PRKCI: variants seen among roughly 807,000 people sequenced by gnomAD.
The protein encoded by PRKCI is protein kinase C iota type.
In PRKCI, 43 loss-of-function variants were observed where a neutral mutation model predicts 84.0. That is an observed-to-expected ratio of 0.51 (90% CI 0.40 to 0.66). The LOEUF (loss-of-function observed/expected upper bound fraction) is 0.66, where lower values mean the gene tolerates loss of function less well. Among genes scored for constraint, PRKCI ranks in the 30% least tolerant of loss-of-function variants. The pLI, the probability that PRKCI is intolerant of heterozygous loss-of-function variation, is 0.00. For missense variants in PRKCI, 459 were observed against 745.6 expected, an observed-to-expected ratio of 0.62 and a Z score of 4.48; for synonymous variants, 216 against 234.4, an observed-to-expected ratio of 0.92 and a Z score of 0.72.
At position 170,287,278 on chromosome 3, in the gene PRKCI, G is replaced by A. The variant is rs1005564245; in HGVS notation, c.1203+2682G>A. Among the ~76,000 whole-genome samples the A allele has an allele frequency of 1.5e-4, 23 of 151,818 alleles. No homozygotes were observed. The South Asian group carries it at 1.7e-3, about 11-fold the overall frequency. On this transcript the variant is annotated intron_variant, in intron 12 of 17. Coordinates refer to ENST00000295797, the MANE Select transcript of PRKCI (RefSeq NM_002740.6). ...CCTGGGGCTGTAGTGAGCTGTAATC[G>A]CGCCACTGCACTCCAGTCTGGGTGA...
intron 7 of PRKCI, among the ~76,000 whole-genome samples, chr3:170,274,680 C>T (rs1243897190): frequency 1.3e-5 from 2 of 151,602 alleles, no homozygotes; most frequent in Admixed American, 6.6e-5. Flanking sequence ...AATGCAATCT[C>T]GTAGTCATAG....
At chr3:170,295,443 C>T (rs1361475886) in intron 14 of PRKCI, among the ~76,000 whole-genome samples, 1 of 151,698 alleles carries the variant, frequency 6.6e-6, no homozygotes, top group African/African-American at 2.4e-5. Context: ...CTGAGGTGGG[C>T]GGATCACTTA....
intron 2 of PRKCI, among the ~76,000 whole-genome samples, chr3:170,242,890 C>T (rs1158463438): frequency 4.0e-5 from 6 of 151,866 alleles, no homozygotes; most frequent in Non-Finnish European, 7.4e-5. Flanking sequence ...AGGCTGGTCT[C>T]GAACTCCAGA....
chr3:170,270,448 C>T lies in PRKCI; in HGVS notation c.478C>T (p.Arg160Ter). Residue 160 changes from arginine (R) to a stop codon, truncating the protein, a stop_gained, in exon 6 of 18, where the codon CGA becomes TGA. Coordinates refer to ENST00000295797, the MANE Select transcript of PRKCI (RefSeq NM_002740.6). LOFTEE classifies it high-confidence loss of function. ...RRAHCAICTD[R>*]IWGLGRQGYK... ...TGCTCACTGTGCCATCTGCACAGAC[C>T]GAATATGGGGACTTGGACGCCAAGG... 3.1e-6 allele frequency: 5 copies of T among 1,613,090 alleles called. No homozygotes were observed. Among genetic ancestry groups the T allele is most frequent in the South Asian group, 1.1e-5 (1 of 91,012 alleles).
chr3:170,284,294 C>G (rs112539361), intron 11 of PRKCI, among the ~76,000 whole-genome samples, 167 bp from the exon 12 acceptor site: 1 of 152,028 alleles, frequency 6.6e-6, no homozygotes, highest in Non-Finnish European at 1.5e-5. Flanking sequence ...ACAATTGTGT[C>G]TTGGGCTCAG....
At chr3:170,254,682 T>C (rs1733539442) in intron 2 of PRKCI, among the ~76,000 whole-genome samples, 1 of 152,208 alleles carries the variant, frequency 6.6e-6, no homozygotes, top group South Asian at 2.1e-4. Context: ...CATCGGTTTA[T>C]GTGTCTGTTT....
intron 16 of PRKCI, among the ~76,000 whole-genome samples, 174 bp downstream of exon 16, chr3:170,297,567 T>G (rs531464953): frequency 6.6e-6 from 1 of 152,280 alleles, no homozygotes; most frequent in South Asian, 2.1e-4. Flanking sequence ...CAGTTCTGTC[T>G]CTGCCTCCCT....
intron 2 of PRKCI, among the ~76,000 whole-genome samples, chr3:170,243,507 T>C (rs760742164): frequency 6.6e-6 from 1 of 152,214 alleles, no homozygotes; most frequent in Non-Finnish European, 1.5e-5. Flanking sequence ...GAAATATATT[T>C]CCATTTTTCT....
chr3:170,237,646 T>C (rs1733014095), intron 2 of PRKCI, among the ~76,000 whole-genome samples: 2 of 152,250 alleles, frequency 1.3e-5, no homozygotes, highest in Admixed American at 6.5e-5. Flanking sequence ...TTTAGCTCAA[T>C]ATTTGGGATC....
At chr3:170,295,675 C>CAAA (rs542714146) in intron 14 of PRKCI, among the ~76,000 whole-genome samples, 6 of 84,436 alleles carry the variant, frequency 7.1e-5, no homozygotes, top group African/African-American at 1.3e-4. Context: ...GACTCCATCT[C>CAAA]AAAAAAAAAA....
rs1484502250 is a variant in PRKCI at position 170,281,195 on chromosome 3, T to C, written c.912T>C (p.His304=). 5 of 1,613,566 alleles carry C rather than the reference T, an allele frequency of 3.1e-6. No homozygotes were observed. In the Admixed American group the frequency reaches 8.3e-5, roughly 27 times the overall value. Residue 304 remains histidine (H), a synonymous_variant, in exon 10 of 18, where the codon CAT becomes CAC. Transcript: ENST00000295797. ...EDIDWVQTEK[H]VFEQASNHPF... ...TTGATTGGGTACAGACAGAGAAGCA[T>C]GTGTTTGAGCAGGCATCCAATCATC... is the stretch of plus-strand genomic sequence containing the variant.
intron 2 of PRKCI, among the ~76,000 whole-genome samples, chr3:170,251,576 C>T (rs1171703959): frequency 3.9e-5 from 6 of 152,110 alleles, no homozygotes; most frequent in Non-Finnish European, 7.4e-5. Flanking sequence ...CATTACTTTT[C>T]ACCTATTGGA....
At chr3:170,299,887 G>T (rs985028953) in intron 17 of PRKCI, among the ~76,000 whole-genome samples, 3 of 152,062 alleles carry the variant, frequency 2.0e-5, no homozygotes, top group African/African-American at 7.2e-5. Context: ...AGGTCAGAGG[G>T]TATTAACATT....
rs191312251 is a variant in PRKCI, at chr3:170,292,056, A to T, written c.1291+115A>T. 6.8e-4 allele frequency: 520 copies of T among 763,506 alleles called. 2 individuals are homozygous for T. The Middle Eastern group carries it at 0.015, about 23-fold the overall frequency. 47.3% of individuals were successfully genotyped at this position (763,506 alleles called of 1,614,324 possible). A position where few individuals can be genotyped will look rare whatever the true frequency, so the allele number is the denominator to read the frequency against. The stretch of plus-strand genomic sequence containing the variant: ...TTGACGTGATCTTATTAATATAAGG[A>T]TTCTTGATCCTGTTAAAAACTACAT... On this transcript the variant is annotated intron_variant, in intron 13 of 17. Coordinates refer to ENST00000295797, the MANE Select transcript of PRKCI (RefSeq NM_002740.6).
rs112482352 is a variant in PRKCI, at chr3:170,245,949, G to GTTTTTTTTTTTTTT, written c.223+10606_223+10619dup. Among the ~76,000 whole-genome samples the GTTTTTTTTTTTTTT allele has an allele frequency of 4.6e-4, 38 of 82,458 alleles. 1 individual carries two copies. The highest frequency in any genetic ancestry group is 1.1e-3 in the African/African-American group (23 of 20,440). 54.1% of individuals were successfully genotyped at this position (82,458 alleles called of 152,430 possible). ...TTTTTTCCCTGGATGTTATGTCTTT[G>GTTTTTTTTTTTTTT]TTTTTTTTTTTTTTTTTTTTTCTGA... is the stretch of plus-strand genomic sequence containing the variant. On this transcript the variant is annotated intron_variant, in intron 2 of 17. Transcript: ENST00000295797.
intron 12 of PRKCI, among the ~76,000 whole-genome samples, chr3:170,285,749 GTT>G (rs528177041): frequency 1.0e-3 from 146 of 142,300 alleles, no homozygotes; most frequent in African/African-American, 3.6e-3. Context: ...AATTATTGTT[GTT>G]TTTTTTTTTT....
At chr3:170,261,308 G>A (rs1733720547) in intron 3 of PRKCI, among the ~76,000 whole-genome samples, 1 of 151,754 alleles carries the variant, frequency 6.6e-6, no homozygotes, top group Non-Finnish European at 1.5e-5. Context: ...TATATTGACA[G>A]TATTTCGTTG....
At position 170,278,373 on chromosome 3, in the gene PRKCI, C is replaced by T. The variant is rs115723279; in HGVS notation, c.706-1854C>T. ...GTTTTGTGTTGTTACAAAGGAATAC[C>T]TGAAGGTTGGGTGTGGCAGCTCACA... On this transcript the variant is annotated intron_variant, in intron 8 of 17. Transcript: ENST00000295797. Among the ~76,000 whole-genome samples, 792 of 152,212 alleles carry T rather than the reference C, an allele frequency of 5.2e-3. 9 individuals carry two copies. Among genetic ancestry groups the T allele is most frequent in the African/African-American group, 0.018 (764 of 41,518 alleles).
chr3:170,238,055 C>T lies in PRKCI; in HGVS notation c.223+2704C>T, dbSNP rs185433262. ...CCCAGTGCCACCCACCCTGGCCCTC[C>T]ATGGCCTTAAAAAAAAATTATATGG... On this transcript the variant is annotated intron_variant, in intron 2 of 17. Coordinates refer to ENST00000295797, the MANE Select transcript of PRKCI (RefSeq NM_002740.6). 2.3e-3 allele frequency among the ~76,000 whole-genome samples: 355 copies of T among 152,222 alleles called. 1 individual carries two copies. Among genetic ancestry groups the T allele is most frequent in the African/African-American group, 7.3e-3 (303 of 41,534 alleles).
Sources: gnomAD v4.1 joint callset for allele counts (sites outside exome capture counted in the v4.1 genomes callset) on GRCh38, gnomAD v4.1.1 for gene constraint, MANE v1.5 for transcripts, NCBI Gene and HGNC (gene_info 2026-07-23, HGNC 2026-07-21) for gene names.